Variants in CARMIL1 observed in about 807,000 individuals in gnomAD.
CARMIL1 encodes capping protein regulator and myosin 1 linker 1.
CARMIL1 carries 90 observed loss-of-function variants against 177.1 expected under a neutral mutation model. The observed-to-expected ratio is 0.51, with a 90% CI of 0.43 to 0.61. The LOEUF is 0.61. Ranked by LOEUF, CARMIL1 falls within the 20% of genes least tolerant of loss-of-function variation. CARMIL1 has a pLI of 0.00. For missense variants in CARMIL1, 1,380 were observed against 1,667.0 expected, an observed-to-expected ratio of 0.83 and a Z score of 3.00; for synonymous variants, 577 against 606.2, an observed-to-expected ratio of 0.95 and a Z score of 0.71.
In CARMIL1 at chr6:25,529,755, CAAAAAAAAAAAAA is replaced by C. The variant is rs70977217; in HGVS notation, c.2067+880_2067+892del. 8.4e-3 allele frequency among the ~76,000 whole-genome samples: 280 copies of C among 33,530 alleles called. 2 individuals carry two copies. Among genetic ancestry groups the C allele is most frequent in the East Asian group, 0.067 (72 of 1,074 alleles). The allele number at this position is 33,530 out of a possible 152,430, so 22.0% of individuals were successfully genotyped here. A position where few individuals can be genotyped will look rare whatever the true frequency, so the allele number is the denominator to read the frequency against. On this transcript the variant is annotated intron_variant, in intron 24 of 36. Transcript: ENST00000329474. Reference sequence around the variant, plus strand: ...GGGCGACAGAGCGAGACTCCGTCTCCAAAAAAAAAAAAAAAAAAAAAAAAAAAAAAGAATAGGC... The same window carrying C: ...GGGCGACAGAGCGAGACTCCGTCTCCAAAAAAAAAAAAAAAAAGAATAGGC...
chr6:25,442,905 A>C (rs1475688836), intron 5 of CARMIL1, among the ~76,000 whole-genome samples: 1 of 152,122 alleles, frequency 6.6e-6, no homozygotes, highest in African/African-American at 2.4e-5. Flanking sequence ...AGTAAAACTG[A>C]GGCTCTGGTT....
chr6:25,283,737 G>A (rs1781318016), intron 1 of CARMIL1, among the ~76,000 whole-genome samples: 1 of 152,032 alleles, frequency 6.6e-6, no homozygotes, highest in African/African-American at 2.4e-5. Flanking sequence ...TTTTGAGACA[G>A]AGTCTCACTG....
In CARMIL1 at chr6:25,528,284, C is replaced by T. The variant is rs140080139; in HGVS notation, c.1969-511C>T. On this transcript the variant is annotated intron_variant, in intron 23 of 36. Coordinates refer to ENST00000329474, the MANE Select transcript of CARMIL1 (RefSeq NM_017640.6). ...TCTTTGAGTTGTACCAGCCTGTATC[C>T]TTCAAATCTTGTTGCGATTCTTTCT... 1.6e-4 allele frequency among the ~76,000 whole-genome samples: 24 copies of T among 152,196 alleles called. 1 individual carries two copies. In the East Asian group the frequency reaches 4.4e-3, roughly 28 times the overall value.
At chr6:25,596,656 G>T (rs1181451622) in intron 32 of CARMIL1, among the ~76,000 whole-genome samples, 27 of 152,106 alleles carry the variant, frequency 1.8e-4, no homozygotes, top group Admixed American at 1.8e-3. Context: ...GTGACCAGAA[G>T]TGTTTCAATA....
chr6:25,302,031 TA>T (rs1318812917), intron 2 of CARMIL1, among the ~76,000 whole-genome samples: 5 of 124,742 alleles, frequency 4.0e-5, no homozygotes, highest in Non-Finnish European at 7.5e-5. Context: ...TGAAAAGCCT[TA>T]AAAAAATCAT....
Position 25,279,551 on chromosome 6 carries a change from C to G in CARMIL1, c.-245C>G, listed in dbSNP as rs1226541583. The G allele has an allele frequency of 3.5e-6, 2 of 572,874 alleles. No homozygotes were observed. The highest frequency in any genetic ancestry group is 3.8e-5 in the African/African-American group (2 of 53,148). The allele number at this position is 572,874 out of a possible 1,614,324, so 35.5% of individuals were successfully genotyped here. A position where few individuals can be genotyped will look rare whatever the true frequency, so the allele number is the denominator to read the frequency against. ...TCCGGTCCGCTCCTTATTCAGCCGCCGGGAACTGCGAGGAGGCGTCATGTA... is the reference window on the plus strand; with the variant it reads ...TCCGGTCCGCTCCTTATTCAGCCGCGGGGAACTGCGAGGAGGCGTCATGTA... On this transcript the variant is annotated 5_prime_UTR_variant, in exon 1 of 37. Coordinates refer to ENST00000329474, the MANE Select transcript of CARMIL1 (RefSeq NM_017640.6).
rs191282731 is a variant in CARMIL1, at chr6:25,595,218, C to A, written c.3119+691C>A. On this transcript the variant is annotated intron_variant, in intron 32 of 36. Transcript: ENST00000329474. ...ATGTTATTTAATCCTCAACTAAATA[C>A]AAATCTATCCCAAAATACACTCTTA... 2.0e-5 allele frequency among the ~76,000 whole-genome samples: 3 copies of A among 152,258 alleles called. No homozygotes were observed. In the East Asian group the frequency reaches 5.8e-4, roughly 29 times the overall value.
intron 4 of CARMIL1, among the ~76,000 whole-genome samples, chr6:25,433,707 G>A (rs1324030927): frequency 2.0e-5 from 3 of 152,090 alleles, no homozygotes; most frequent in Non-Finnish European, 4.4e-5. Context: ...ATTTTTTTAT[G>A]TACAACTAAC....
intron 2 of CARMIL1, among the ~76,000 whole-genome samples, chr6:25,310,278 G>A (rs1783688631): frequency 6.6e-6 from 1 of 152,198 alleles, no homozygotes; most frequent in South Asian, 2.1e-4. Context: ...GAACATAAAG[G>A]AGGGACATGT....
rs1801177007 is a variant in CARMIL1, at chr6:25,472,486, C to T, written c.839C>T (p.Thr280Ile). 6.3e-7 allele frequency: 1 copy of T among 1,583,098 alleles called. No homozygotes were observed. The highest frequency in any genetic ancestry group is 1.2e-5 in the South Asian group (1 of 85,932). Residue 280 changes from threonine to isoleucine, a missense_variant, in exon 11 of 37, where the codon ACA becomes ATA. Physicochemically the swap from Thr to Ile is moderately conservative, Grantham distance 89. Transcript: ENST00000329474. Reference sequence around the variant, plus strand: ...CATAATCCCAACTCAGGACTCCACACAATTAACCTTGCTGGCAACCCACTG... The same window carrying T: ...CATAATCCCAACTCAGGACTCCACATAATTAACCTTGCTGGCAACCCACTG... ...LAHNPNSGLH[T>I]INLAGNPLED... is the part of the protein sequence containing the mutation.
intron 8 of CARMIL1, among the ~76,000 whole-genome samples, chr6:25,453,830 C>T (rs1562160404): frequency 3.3e-5 from 5 of 152,274 alleles, no homozygotes; most frequent in African/African-American, 1.2e-4. Context: ...GAACATCTGG[C>T]CTACGGGAGT....
chr6:25,421,705 T>C (rs1795871423), intron 3 of CARMIL1, among the ~76,000 whole-genome samples: 1 of 129,560 alleles, frequency 7.7e-6, no homozygotes, highest in African/African-American at 2.8e-5. Flanking sequence ...TAAAAGTGAG[T>C]TCATGTCCTT....
intron 32 of CARMIL1, among the ~76,000 whole-genome samples, chr6:25,599,708 G>T (rs144776654): frequency 5.3e-4 from 81 of 152,216 alleles, no homozygotes; most frequent in Admixed American, 2.8e-3. Context: ...GACTCAAGTC[G>T]CAAAAAGCCA....
chr6:25,555,910 A>T (rs1011275307), intron 28 of CARMIL1, among the ~76,000 whole-genome samples: 3 of 152,138 alleles, frequency 2.0e-5, no homozygotes, highest in Admixed American at 6.5e-5. Context: ...TGATTTTTTT[A>T]ATTGCGAAAA....
At chr6:25,609,855 G>A (rs901753600) in intron 35 of CARMIL1, among the ~76,000 whole-genome samples, 195 bp from the exon 36 acceptor site, 8 of 152,142 alleles carry the variant, frequency 5.3e-5, no homozygotes, top group African/African-American at 1.9e-4. Flanking sequence ...CTTTTTATGA[G>A]TATTCATTGT....
rs563495862 is a variant in CARMIL1 at position 25,299,750 on chromosome 6, C to T, written c.138+14841C>T. Reference sequence around the variant, plus strand: ...CAGCACTTTGGGAGGCCGAGGCGAGCGGATCACCTGAGGTCAGGAGTTTTT... The same window carrying T: ...CAGCACTTTGGGAGGCCGAGGCGAGTGGATCACCTGAGGTCAGGAGTTTTT... On this transcript the variant is annotated intron_variant, in intron 2 of 36. Coordinates refer to ENST00000329474, the MANE Select transcript of CARMIL1 (RefSeq NM_017640.6). Among the ~76,000 whole-genome samples the T allele has an allele frequency of 1.8e-4, 28 of 151,816 alleles. 1 individual carries two copies. The highest frequency in any genetic ancestry group is 3.4e-3 in the Middle Eastern group (1 of 294).
At position 25,581,503 on chromosome 6, in the gene CARMIL1, A is replaced by C. The variant is rs1014370225; in HGVS notation, c.3006+64A>C. ...CCTTTTCTTCTCTGGGGAAAGTTGGAGGGTCTTGCTAAAGTGCTTTGCACA... is the reference window on the plus strand; with the variant it reads ...CCTTTTCTTCTCTGGGGAAAGTTGGCGGGTCTTGCTAAAGTGCTTTGCACA... On this transcript the variant is annotated intron_variant, in intron 31 of 36. Coordinates refer to ENST00000329474, the MANE Select transcript of CARMIL1 (RefSeq NM_017640.6). 9.9e-5 allele frequency: 144 copies of C among 1,447,826 alleles called. 2 individuals are homozygous for C. Among genetic ancestry groups the C allele is most frequent in the Non-Finnish European group, 1.3e-4 (136 of 1,078,088 alleles). 89.7% of individuals were successfully genotyped at this position (1,447,826 alleles called of 1,614,324 possible). A position where few individuals can be genotyped will look rare whatever the true frequency, so the allele number is the denominator to read the frequency against.
At chr6:25,574,406 TTCTC>T (rs1224544778) in intron 29 of CARMIL1, among the ~76,000 whole-genome samples, 1 of 152,204 alleles carries the variant, frequency 6.6e-6, no homozygotes, top group Non-Finnish European at 1.5e-5. Flanking sequence ...GTGCAAGAGC[TTCTC>T]TCTCTTATTC....
chr6:25,281,176 C>G (rs1339626189), intron 1 of CARMIL1, among the ~76,000 whole-genome samples: 1 of 141,706 alleles, frequency 7.1e-6, no homozygotes, highest in Non-Finnish European at 1.6e-5. Flanking sequence ...ACACGCACCT[C>G]TCATCATGAT....
Sources: allele counts gnomAD v4.1 joint callset (sites outside exome capture counted in the v4.1 genomes callset), GRCh38; gene constraint gnomAD v4.1.1; transcripts MANE v1.5; gene names NCBI Gene and HGNC (gene_info 2026-07-23, HGNC 2026-07-21).